The following PARD3 variants were observed in gnomAD, a reference collection of about 807,000 sequenced individuals.
PARD3 encodes partitioning defective 3 homolog.
A neutral mutation model predicts 155.4 loss-of-function variants in PARD3; 75 were observed. That is an observed-to-expected ratio of 0.48 (90% confidence interval 0.40 to 0.58). PARD3 has a LOEUF of 0.58. PARD3 is among the 20% of genes least tolerant of loss of function. The pLI, the probability that PARD3 is intolerant of heterozygous loss-of-function variation, is 0.00. For synonymous variants in PARD3, 576 were observed against 610.5 expected, an observed-to-expected ratio of 0.94 and a Z score of 0.83; for missense variants, 1,642 against 1,721.7, an observed-to-expected ratio of 0.95 and a Z score of 0.82.
chr10:34,186,725 C>A (rs541251487), intron 22 of PARD3, among the ~76,000 whole-genome samples: 81 of 152,292 alleles, frequency 5.3e-4, no homozygotes, highest in South Asian at 1.0e-3. Context: ...TCTCCTTCCT[C>A]TTCCCTGGGT....
At chr10:34,717,109 G>A (rs1415756053) in intron 1 of PARD3, among the ~76,000 whole-genome samples, 1 of 152,142 alleles carries the variant, frequency 6.6e-6, no homozygotes, top group African/African-American at 2.4e-5. Context: ...TGCAGCTGGT[G>A]ACCTGGGCCT....
intron 1 of PARD3, among the ~76,000 whole-genome samples, chr10:34,765,924 GA>G (rs1265636733): frequency 6.6e-6 from 1 of 152,148 alleles, no homozygotes; most frequent in Non-Finnish European, 1.5e-5. Flanking sequence ...CACAGATGAG[GA>G]AACTGAGGTA....
At chr10:34,360,040 T>C (rs751908920) in intron 13 of PARD3, 31 bp downstream of exon 13, 2 of 1,546,076 alleles carry the variant, frequency 1.3e-6, no homozygotes, top group Non-Finnish European at 8.9e-7. Flanking sequence ...TTTTTGTTAA[T>C]AGGCATACGC....
intron 1 of PARD3, among the ~76,000 whole-genome samples, chr10:34,750,567 TTTACAGGAGAGGA>T (rs974103768): frequency 2.8e-4 from 42 of 152,078 alleles, no homozygotes; most frequent in African/African-American, 8.2e-4. Flanking sequence ...CATGTTTACA[TTTACAGGAGAGGA>T]GTGAGGAGTT....
At chr10:34,224,483 A>T (rs570520637) in intron 22 of PARD3, among the ~76,000 whole-genome samples, 1 of 152,222 alleles carries the variant, frequency 6.6e-6, no homozygotes, top group South Asian at 2.1e-4. Context: ...TCCTCAGTAA[A>T]TATCTGCGGA....
At chr10:34,557,727 G>A (rs1215337202) in intron 2 of PARD3, among the ~76,000 whole-genome samples, 1 of 151,872 alleles carries the variant, frequency 6.6e-6, no homozygotes, top group Non-Finnish European at 1.5e-5. Context: ...CAAAGTGCTG[G>A]GATTACAGGC....
chr10:34,167,311 G>T (rs550992118), intron 22 of PARD3, among the ~76,000 whole-genome samples: 1 of 152,116 alleles, frequency 6.6e-6, no homozygotes, highest in Non-Finnish European at 1.5e-5. Flanking sequence ...ATCGTTGCAC[G>T]GGTCTGCCGG....
chr10:34,113,028 C>T (rs1323915186), intron 24 of PARD3, among the ~76,000 whole-genome samples: 1 of 152,316 alleles, frequency 6.6e-6, no homozygotes, highest in Non-Finnish European at 1.5e-5. Context: ...AGAGACAAGA[C>T]TGTTGGAAAA....
chr10:34,675,836 GC>G (rs2093694420), intron 2 of PARD3: 1 of 197,512 alleles, frequency 5.1e-6, no homozygotes, highest in African/African-American at 2.3e-5. Context: ...CAGCACATGG[GC>G]CTCCACCAAC....
chr10:34,779,462 A>T (rs1839998221), intron 1 of PARD3, among the ~76,000 whole-genome samples: 1 of 151,768 alleles, frequency 6.6e-6, no homozygotes. Context: ...TAAAAAAAAA[A>T]TTAAAAAAAT....
chr10:34,690,921 A>G (rs1248318179), intron 2 of PARD3, among the ~76,000 whole-genome samples: 1 of 152,170 alleles, frequency 6.6e-6, no homozygotes, highest in Non-Finnish European at 1.5e-5. Context: ...GAATCCATAC[A>G]TCAAAACACA....
chr10:34,566,681 T>C (rs1007489885), intron 2 of PARD3, among the ~76,000 whole-genome samples: 4 of 152,170 alleles, frequency 2.6e-5, no homozygotes, highest in South Asian at 4.1e-4. Context: ...GCTTTTACAA[T>C]AGAAAATATT....
At chr10:34,667,254 G>A (rs1183373720) in intron 2 of PARD3, among the ~76,000 whole-genome samples, 1 of 152,186 alleles carries the variant, frequency 6.6e-6, no homozygotes, top group Non-Finnish European at 1.5e-5. Flanking sequence ...ATCATCTGCA[G>A]CAAATCTAGA....
chr10:34,279,296 C>T (rs1429039195), intron 21 of PARD3, among the ~76,000 whole-genome samples: 1 of 151,946 alleles, frequency 6.6e-6, no homozygotes, highest in Non-Finnish European at 1.5e-5. Context: ...GTTAGGATTA[C>T]AGGTGTGAGC....
rs1185589262 is a variant in PARD3 at position 34,444,623 on chromosome 10, CG to C, written c.714+5693del. Among the ~76,000 whole-genome samples, 7 of 152,254 alleles carry C rather than the reference CG, an allele frequency of 4.6e-5. No homozygotes were observed. The South Asian group carries it at 1.5e-3, about 32-fold the overall frequency. On this transcript the variant is annotated intron_variant, in intron 5 of 24. Coordinates refer to ENST00000374788, the MANE Select transcript of PARD3 (RefSeq NM_001184785.2). ...CAAGGTGATTAGTCACTGAAAACCC[CG>C]GCTACTCTTTTTGGAAATCATATTG...
chr10:34,217,662 T>C (rs994030545), intron 22 of PARD3, among the ~76,000 whole-genome samples: 39 of 152,038 alleles, frequency 2.6e-4, no homozygotes, highest in Admixed American at 2.4e-3. Context: ...TTTGTAATCA[T>C]GAAGTACAGA....
intron 3 of PARD3, among the ~76,000 whole-genome samples, chr10:34,472,036 T>A (rs2078383478): frequency 6.6e-6 from 1 of 152,272 alleles, no homozygotes; most frequent in South Asian, 2.1e-4. Flanking sequence ...TAGTCTCCAA[T>A]GTGAAAGCAA....
chr10:34,185,428 G>A (rs905525308), intron 22 of PARD3, among the ~76,000 whole-genome samples: 3 of 152,112 alleles, frequency 2.0e-5, no homozygotes, highest in African/African-American at 7.2e-5. Context: ...CTTAAAAAGA[G>A]AAAAGGGTCT....
Position 34,187,967 on chromosome 10 carries a change from G to A in PARD3, c.3420-56384C>T, listed in dbSNP as rs554683362. ...TAGCTGTCTGGGTAAATATGGCTGC[G>A]GAGGAACGTGGAGCTGCAGATAATT... On this transcript the variant is annotated intron_variant, in intron 22 of 24. Transcript: ENST00000374788. Among the ~76,000 whole-genome samples, 34 of 152,132 alleles carry A rather than the reference G, an allele frequency of 2.2e-4. 1 individual carries two copies. The highest frequency in any genetic ancestry group is 4.0e-4 in the Non-Finnish European group (27 of 68,026).
Sources: allele counts gnomAD v4.1 joint callset (sites outside exome capture counted in the v4.1 genomes callset), GRCh38; gene constraint gnomAD v4.1.1; transcripts MANE v1.5; gene names NCBI Gene and HGNC (gene_info 2026-07-23, HGNC 2026-07-21).